Variants in DST observed in about 807,000 individuals in gnomAD.
DST encodes dystonin, also known as bullous pemphigoid antigen.
A neutral mutation model predicts 875.2 loss-of-function variants in DST; 253 were observed. That is an observed-to-expected ratio of 0.29 (90% CI 0.26 to 0.32). DST has a LOEUF of 0.32. DST is among the 10% of genes least tolerant of loss of function. The pLI is 1.00. For synonymous variants in DST, 3,124 were observed against 3,197.1 expected (o/e 0.98, Z 0.77); for missense variants, 8,287 against 9,111.6 (o/e 0.91, Z 3.68).
At chr6:56,633,257 C>T (rs1462558869) in intron 27 of DST, among the ~76,000 whole-genome samples, 1 of 135,246 alleles carries the variant, frequency 7.4e-6, no homozygotes, top group Non-Finnish European at 1.5e-5. Flanking sequence ...GACGGAGTCT[C>T]GCTCTGTCGC....
rs1281904882 is a variant in DST, at chr6:56,529,551, A to C, written c.17492T>G (p.Val5831Gly). 6.2e-7 allele frequency: 1 copy of C among 1,613,750 alleles called. No homozygotes were observed. Among genetic ancestry groups the C allele is most frequent in the East Asian group, 2.2e-5 (1 of 44,870 alleles). ...CNAKIFGEDE[V>G]ELMNWLNEVH... ...TTCATTCAGCCAGTTCATCAGTTCA[A>C]CTTCATCTTCCCCAAAAATCTTAGC... The change falls in exon 66 of 104, where the codon GTT (valine) becomes GGT (glycine). Residue 5831 changes from valine (V) to glycine (G), a missense_variant. Physicochemically the swap from Val to Gly is moderately radical, Grantham distance 109. Transcript: ENST00000680361.
At chr6:56,925,548 A>C (rs554356930) in intron 2 of DST, among the ~76,000 whole-genome samples, 3 of 152,342 alleles carry the variant, frequency 2.0e-5, no homozygotes, top group Non-Finnish European at 4.4e-5. Flanking sequence ...AGGGATCACA[A>C]TGTTTATACA....
At chr6:56,718,276 G>C (rs751641299) in intron 5 of DST, among the ~76,000 whole-genome samples, 12 of 152,054 alleles carry the variant, frequency 7.9e-5, no homozygotes, top group Admixed American at 2.0e-4. Flanking sequence ...ACTCACCAAA[G>C]AATGTACACA....
intron 4 of DST, among the ~76,000 whole-genome samples, chr6:56,753,111 T>C (rs2099592680): frequency 6.6e-6 from 1 of 152,146 alleles, no homozygotes; most frequent in African/African-American, 2.4e-5. Context: ...CTGTTTCATC[T>C]CTTTGATTTG....
intron 9 of DST, 69 bp downstream of exon 9, chr6:56,699,584 A>C: frequency 2.8e-6 from 2 of 709,356 alleles, no homozygotes; most frequent in Non-Finnish European, 4.7e-6. Context: ...TGAATGCATC[A>C]TTCACCCTTC....
chr6:56,923,990 G>C (rs886465682), intron 2 of DST, among the ~76,000 whole-genome samples: 2 of 152,106 alleles, frequency 1.3e-5, no homozygotes, highest in African/African-American at 4.8e-5. Flanking sequence ...AGGGTATGGT[G>C]GTACATGCCT....
At position 56,463,773 on chromosome 6, in the gene DST, T is replaced by C. The variant is rs2152380361; in HGVS notation, c.22760-9A>G. On this transcript the variant is annotated splice_polypyrimidine_tract_variant and intron_variant, in intron 100 of 103. Coordinates refer to ENST00000680361, the MANE Select transcript of DST (RefSeq NM_001374736.1). ...GTTTGTCCTTCCTTTGGCTGGGTTA[T>C]ACACACACAACAATGCACACAAAGA... 2 of 1,613,834 alleles carry C rather than the reference T, an allele frequency of 1.2e-6. No individual in the cohort carries two copies. The highest frequency in any genetic ancestry group is 1.7e-5 in the Admixed American group (1 of 60,018).
intron 4 of DST, chr6:56,843,182 C>T (rs2099802494): frequency 3.3e-6 from 5 of 1,521,058 alleles, no homozygotes; most frequent in Non-Finnish European, 4.5e-6. Context: ...ACAAATTCCC[C>T]TCTCCCCCTC....
chr6:56,704,207 A>C, intron 6 of DST, 73 bp downstream of exon 6: 1 of 745,420 alleles, frequency 1.3e-6, no homozygotes, highest in Non-Finnish European at 2.2e-6. Flanking sequence ...AATAGTCTGT[A>C]CTGAAAACAT....
chr6:56,502,219 CCTT>C (rs1400754831), intron 78 of DST, among the ~76,000 whole-genome samples: 3 of 152,100 alleles, frequency 2.0e-5, no homozygotes, highest in Admixed American at 2.0e-4. Context: ...TATTCTCTCT[CCTT>C]CTACTTTCTA....
Position 56,634,047 on chromosome 6 carries a change from T to G in DST, c.3621+85A>C. Reference sequence around the variant, plus strand: ...GGATTTGCCGGACTCCATCCTATTCTAAAGCAAATACAAACTCTACGACAC... The same window carrying G: ...GGATTTGCCGGACTCCATCCTATTCGAAAGCAAATACAAACTCTACGACAC... On this transcript the variant is annotated intron_variant, in intron 27 of 103. Transcript: ENST00000680361. 3 of 1,522,324 alleles carry G rather than the reference T, an allele frequency of 2.0e-6. No individual in the cohort carries two copies. The South Asian group carries it at 3.4e-5, about 17-fold the overall frequency. The allele number at this position is 1,522,324 out of a possible 1,614,324, so 94.3% of individuals were successfully genotyped here. A position where few individuals can be genotyped will look rare whatever the true frequency, so the allele number is the denominator to read the frequency against.
At chr6:56,851,890 C>G (rs1347441341) in intron 3 of DST, 1 of 1,549,678 alleles carries the variant, frequency 6.5e-7, no homozygotes, top group Non-Finnish European at 8.7e-7. Flanking sequence ...GTCCGGCCAC[C>G]AGCTCACAAA....
intron 2 of DST, among the ~76,000 whole-genome samples, chr6:56,910,244 G>A (rs550090887): frequency 1.7e-4 from 26 of 152,244 alleles, no homozygotes; most frequent in African/African-American, 6.0e-4. Flanking sequence ...ATAGCTCACT[G>A]TAGCCTAGAA....
At chr6:56,878,828 G>C (rs1041382623) in intron 3 of DST, among the ~76,000 whole-genome samples, 1 of 152,108 alleles carries the variant, frequency 6.6e-6, no homozygotes, top group African/African-American at 2.4e-5. Flanking sequence ...GTCAAGCTGA[G>C]AGAAGGCAAA....
chr6:56,711,685 A>G (rs1050622487), intron 5 of DST, among the ~76,000 whole-genome samples: 20 of 152,198 alleles, frequency 1.3e-4, no homozygotes, highest in Admixed American at 7.9e-4. Flanking sequence ...GACAAACTCC[A>G]CACTACAATG....
chr6:56,526,287 T>A, intron 69 of DST, 74 bp downstream of exon 69: 1 of 1,441,624 alleles, frequency 6.9e-7, no homozygotes, highest in South Asian at 1.2e-5. Flanking sequence ...TTAACAGTCA[T>A]CTTTGTTCAG....
chr6:56,946,145 C>G (rs1040555197), intron 2 of DST, among the ~76,000 whole-genome samples: 3 of 152,114 alleles, frequency 2.0e-5, no homozygotes, highest in Admixed American at 6.5e-5. Flanking sequence ...AGTGCAGAAA[C>G]AGAGAGAGCC....
chr6:56,658,236 A>G (rs557238296), intron 10 of DST, among the ~76,000 whole-genome samples: 10 of 152,302 alleles, frequency 6.6e-5, no homozygotes, highest in Non-Finnish European at 1.5e-4. Context: ...CAGTTTTTAC[A>G]TATTTGAGAG....
intron 2 of DST, among the ~76,000 whole-genome samples, chr6:56,922,580 T>C (rs1804836228): frequency 6.6e-6 from 1 of 150,518 alleles, no homozygotes; most frequent in Non-Finnish European, 1.5e-5. Flanking sequence ...GACCTTCTTC[T>C]TTGCTAAACC....
Sources: gnomAD v4.1 joint callset for allele counts (sites outside exome capture counted in the v4.1 genomes callset) on GRCh38, gnomAD v4.1.1 for gene constraint, MANE v1.5 for transcripts, NCBI Gene and HGNC (gene_info 2026-07-23, HGNC 2026-07-21) for gene names.